ENTPD6: variants seen among roughly 807,000 people sequenced by gnomAD.
ENTPD6 encodes the protein CD39 antigen-like 2.
In ENTPD6, 46 loss-of-function variants were observed where a neutral mutation model predicts 61.5. That is an observed-to-expected ratio of 0.75 (90% CI 0.59 to 0.96). ENTPD6 has a LOEUF of 0.96. Ranked by LOEUF, ENTPD6 falls within the 40% of genes least tolerant of loss-of-function variation. The probability of loss-of-function intolerance (pLI) is 0.00; values close to 1 mark genes in which losing one functional copy is unlikely to be tolerated. For missense variants in ENTPD6, 612 were observed against 629.0 expected (o/e 0.97, Z 0.29); for synonymous variants, 252 against 255.5 (o/e 0.99, Z 0.13).
At chr20:25,219,714 C>T (rs2092544336) in intron 10 of ENTPD6, among the ~76,000 whole-genome samples, 1 of 152,218 alleles carries the variant, frequency 6.6e-6, no homozygotes, top group Non-Finnish European at 1.5e-5. Context: ...TGTGCTCCAG[C>T]CAAATGCCCT....
chr20:25,201,639 C>T (rs2091039838), intron 1 of ENTPD6, among the ~76,000 whole-genome samples: 1 of 152,122 alleles, frequency 6.6e-6, no homozygotes, highest in Non-Finnish European at 1.5e-5. Flanking sequence ...ACTTTCAGCC[C>T]ATATGTGTTC....
At chr20:25,224,983 G>A (rs1347187391) in intron 13 of ENTPD6, 12 of 617,730 alleles carry the variant, frequency 1.9e-5, no homozygotes, top group Non-Finnish European at 2.8e-5. Context: ...AACACCAGGC[G>A]TGCAAATCCC....
At chr20:25,219,804 G>A (rs2092549446) in intron 10 of ENTPD6, among the ~76,000 whole-genome samples, 1 of 152,334 alleles carries the variant, frequency 6.6e-6, no homozygotes, top group African/African-American at 2.4e-5. Context: ...AGGGTAGGAT[G>A]TTCAACTGGA....
At chr20:25,220,634 G>T (rs2092597730) in intron 10 of ENTPD6, among the ~76,000 whole-genome samples, 1 of 152,238 alleles carries the variant, frequency 6.6e-6, no homozygotes, top group Non-Finnish European at 1.5e-5. Flanking sequence ...TTCAAAAAAG[G>T]AAGGCTACCC....
intron 1 of ENTPD6, chr20:25,197,253 C>T: frequency 8.1e-6 from 8 of 985,158 alleles, no homozygotes; most frequent in Non-Finnish European, 9.6e-6. Context: ...ATCTAGAAAG[C>T]CAACCAGGGG....
chr20:25,216,793 G>T (rs1600632845), intron 8 of ENTPD6, 57 bp downstream of exon 8: 1 of 1,415,924 alleles, frequency 7.1e-7, no homozygotes, highest in South Asian at 1.2e-5. Flanking sequence ...ACCGCCATGG[G>T]GGTGCAGGGT....
At chr20:25,223,523 G>A (rs1414889163) in intron 12 of ENTPD6, among the ~76,000 whole-genome samples, 6 of 152,146 alleles carry the variant, frequency 3.9e-5, no homozygotes, top group African/African-American at 1.4e-4. Context: ...ATGGCCTGTG[G>A]TACGGATAAG....
In ENTPD6 at chr20:25,217,494, T is replaced by C. The variant is rs776215058; in HGVS notation, c.799-8T>C. ...GCAGGAAACATAGTTACCCTCGTTC[T>C]TCTCCAGGGCACCCTGCAGGCCTCC... On this transcript the variant is annotated splice_region_variant and splice_polypyrimidine_tract_variant and intron_variant, in intron 8 of 14. Coordinates refer to ENST00000376652, the MANE Select transcript of ENTPD6 (RefSeq NM_001247.5). 6.2e-7 allele frequency: 1 copy of C among 1,613,762 alleles called. No individual in the cohort carries two copies. The highest frequency in any genetic ancestry group is 8.5e-7 in the Non-Finnish European group (1 of 1,179,642).
chr20:25,207,323 T>TC lies in ENTPD6; in HGVS notation c.303dup (p.Tyr102LeufsTer6), dbSNP rs745640818. ...ACAGCTGCAGACGGGCACGAGGTCT[T>TC]CTACGGGATCATGTTTGATGCAGGA... On this transcript the variant is annotated frameshift_variant, in exon 3 of 15. Coordinates refer to ENST00000376652, the MANE Select transcript of ENTPD6 (RefSeq NM_001247.5). LOFTEE classifies it high-confidence loss of function. 1.3e-6 allele frequency: 2 copies of TC among 1,593,124 alleles called. No homozygotes were observed. Among genetic ancestry groups the TC allele is most frequent in the East Asian group, 4.5e-5 (2 of 44,350 alleles).
chr20:25,216,074 T>C (rs1187090837), intron 7 of ENTPD6, among the ~76,000 whole-genome samples: 1 of 152,240 alleles, frequency 6.6e-6, no homozygotes, highest in Non-Finnish European at 1.5e-5. Flanking sequence ...CTATTCACCT[T>C]CTAATTGGAT....
chr20:25,212,040 G>C (rs527533416), intron 4 of ENTPD6, among the ~76,000 whole-genome samples: 27 of 152,278 alleles, frequency 1.8e-4, no homozygotes, highest in African/African-American at 5.3e-4. Flanking sequence ...GACCTCCTGG[G>C]CTCAAGTAAT....
In ENTPD6 at chr20:25,215,031, T is replaced by G. The variant is rs1036322764; in HGVS notation, c.673+89T>G. 3 of 850,384 alleles carry G rather than the reference T, an allele frequency of 3.5e-6. No individual in the cohort carries two copies. In the East Asian group the frequency reaches 7.5e-5, roughly 21 times the overall value. The allele number at this position is 850,384 out of a possible 1,614,324, so 52.7% of individuals were successfully genotyped here. ...GCTGCTTCTAACCATCCGCCACCCC[T>G]CCCCGCCCCATGTGGGAGCCTCCTC... On this transcript the variant is annotated intron_variant, in intron 6 of 14. Coordinates refer to ENST00000376652, the MANE Select transcript of ENTPD6 (RefSeq NM_001247.5).
At position 25,225,648 on chromosome 20, in the gene ENTPD6, C is replaced by A; in HGVS notation, c.*51C>A. The A allele has an allele frequency of 6.8e-7, 1 of 1,481,054 alleles. No individual in the cohort carries two copies. The highest frequency in any genetic ancestry group is 9.4e-7 in the Non-Finnish European group (1 of 1,068,104). 91.7% of individuals were successfully genotyped at this position (1,481,054 alleles called of 1,614,324 possible). A position where few individuals can be genotyped will look rare whatever the true frequency, so the allele number is the denominator to read the frequency against. ...AGCAGTGTCTGTGTGTCTGCATAAA[C>A]CCTCCTGTCCTGGACGTGACTTCAT... On this transcript the variant is annotated 3_prime_UTR_variant, in exon 15 of 15. Transcript: ENST00000376652.
At chr20:25,214,776 C>A (rs1358251493) in intron 5 of ENTPD6, 91 bp from the exon 6 acceptor site, 1 of 821,544 alleles carries the variant, frequency 1.2e-6, no homozygotes, top group Non-Finnish European at 2.1e-6. Flanking sequence ...TCCACCCACA[C>A]TGCTTCACTT....
rs769455549 is a variant in ENTPD6 at position 25,225,189 on chromosome 20, C to T, written c.1244-16C>T. Reference sequence around the variant, plus strand: ...GGGAGTCACCTGGAGCGTGAAGGGACGTGTCTCATCCCCAGTGTGTCGGAC... The same window carrying T: ...GGGAGTCACCTGGAGCGTGAAGGGATGTGTCTCATCCCCAGTGTGTCGGAC... On this transcript the variant is annotated splice_polypyrimidine_tract_variant and intron_variant, in intron 13 of 14. Coordinates refer to ENST00000376652, the MANE Select transcript of ENTPD6 (RefSeq NM_001247.5). 23 of 1,606,424 alleles carry T rather than the reference C, an allele frequency of 1.4e-5. No individual in the cohort carries two copies. Among genetic ancestry groups the T allele is most frequent in the African/African-American group, 2.7e-5 (2 of 74,554 alleles).
Position 25,222,833 on chromosome 20 carries a change from C to A in ENTPD6, c.1046-5C>A. The stretch of plus-strand genomic sequence containing the variant: ...ACTGACCGCTAGCCTTGTGCTTGTC[C>A]CCAGCGGCAAGCCTGCACGAGCTGT... On this transcript the variant is annotated splice_polypyrimidine_tract_variant and splice_region_variant and intron_variant, in intron 11 of 14. Coordinates refer to ENST00000376652, the MANE Select transcript of ENTPD6 (RefSeq NM_001247.5). 1.2e-6 allele frequency: 2 copies of A among 1,613,436 alleles called. No homozygotes were observed. Among genetic ancestry groups the A allele is most frequent in the Non-Finnish European group, 1.7e-6 (2 of 1,179,862 alleles).
intron 11 of ENTPD6, 32 bp downstream of exon 11, chr20:25,221,365 G>T (rs1286106573): frequency 6.5e-7 from 1 of 1,548,676 alleles, no homozygotes; most frequent in East Asian, 2.2e-5. Flanking sequence ...GTTGGTTTCT[G>T]CGGGTGAGAG....
intron 7 of ENTPD6, among the ~76,000 whole-genome samples, chr20:25,215,965 C>T (rs997249627): frequency 1.3e-5 from 2 of 152,172 alleles, no homozygotes; most frequent in African/African-American, 4.8e-5. Context: ...CCTGCCCTGT[C>T]CCCTGCAGAA....
At chr20:25,197,617 G>A (rs2090595009) in intron 1 of ENTPD6, among the ~76,000 whole-genome samples, 1 of 152,186 alleles carries the variant, frequency 6.6e-6, no homozygotes, top group Admixed American at 6.5e-5. Context: ...TTAACCTAGT[G>A]GAATGAAATT....
Sources: gnomAD v4.1 joint callset for allele counts (sites outside exome capture counted in the v4.1 genomes callset) on GRCh38, gnomAD v4.1.1 for gene constraint, MANE v1.5 for transcripts, NCBI Gene and HGNC (gene_info 2026-07-23, HGNC 2026-07-21) for gene names.